Variants in MYH15 observed in about 807,000 individuals in gnomAD.
The protein encoded by MYH15 is myosin-15.
In MYH15, 227 loss-of-function variants were observed where a neutral mutation model predicts 240.5. That is an observed-to-expected ratio of 0.94 (90% CI 0.85 to 1.05). The LOEUF (loss-of-function observed/expected upper bound fraction) is 1.05. MYH15 is among the 50% of genes least tolerant of loss of function. MYH15 has a pLI of 0.00. For missense variants in MYH15, 2,217 were observed against 2,247.5 expected (o/e 0.99, Z 0.27); for synonymous variants, 785 against 796.7 (o/e 0.99, Z 0.25).
At position 108,414,399 on chromosome 3, in the gene MYH15, C is replaced by T; in HGVS notation, c.3978G>A (p.Gln1326=). The change falls in exon 30 of 41, where the codon CAG becomes CAA. Residue 1326 remains glutamine (Q), a synonymous_variant. Transcript: ENST00000693548. ...GAAGGTCACAGTCACGCTGAGCCTT[C>T]TGCAGGGCATGGGCCAGGGCACTCT... The part of the protein sequence containing the change: ...KSQSALAHAL[Q]KAQRDCDLLR... 1 of 1,614,102 alleles carries T rather than the reference C, an allele frequency of 6.2e-7. No homozygotes were observed. The highest frequency in any genetic ancestry group is 8.5e-7 in the Non-Finnish European group (1 of 1,180,012).
At chr3:108,478,246 T>C (rs545936293) in intron 11 of MYH15, among the ~76,000 whole-genome samples, 1 of 152,288 alleles carries the variant, frequency 6.6e-6, no homozygotes, top group African/African-American at 2.4e-5. Context: ...TTAAAATGTT[T>C]GAAATGTTTG....
Position 108,500,365 on chromosome 3 carries a change from A to G in MYH15, c.340-91T>C, listed in dbSNP as rs996356574. The G allele has an allele frequency of 2.2e-6, 3 of 1,358,122 alleles. No homozygotes were observed. In the African/African-American group the frequency reaches 4.4e-5, roughly 20 times the overall value. 84.1% of individuals were successfully genotyped at this position (1,358,122 alleles called of 1,614,324 possible). A position where few individuals can be genotyped will look rare whatever the true frequency, so the allele number is the denominator to read the frequency against. On this transcript the variant is annotated intron_variant, in intron 3 of 40. Transcript: ENST00000693548. The stretch of plus-strand genomic sequence containing the variant: ...CCAGTGTCAAGTAATATTTGCTCAA[A>G]TATTACTTATAAAGGAACTCAGAGG...
chr3:108,391,983 C>A lies in MYH15; in HGVS notation c.5260-53G>T, dbSNP rs1189074269. The A allele has an allele frequency of 2.5e-6, 4 of 1,576,166 alleles. No homozygotes were observed. The Admixed American group carries it at 7.1e-5, about 28-fold the overall frequency. On this transcript the variant is annotated intron_variant, in intron 36 of 40. Transcript: ENST00000693548. The stretch of plus-strand genomic sequence containing the variant: ...TAGTTCAGCAGTCAATTGATCTTAA[C>A]ATTTTTACCCATGATCTTTAGTTCC...
chr3:108,537,326 T>C, the MYH15 span, among the ~76,000 whole-genome samples: 1 of 152,154 alleles, frequency 6.6e-6, no homozygotes, highest in Non-Finnish European at 1.5e-5. Flanking sequence ...TCTATTCCTC[T>C]TTAGGCTCAA....
upstream of MYH15, among the ~76,000 whole-genome samples, chr3:108,530,151 C>T (rs936811309): frequency 6.6e-6 from 1 of 152,054 alleles, no homozygotes; most frequent in African/African-American, 2.4e-5. Flanking sequence ...GGAGATTAGC[C>T]GTAAACTAAA....
In MYH15 at chr3:108,441,323, T is replaced by A. The variant is rs1307747877; in HGVS notation, c.2656-63A>T. The A allele has an allele frequency of 1.9e-6, 3 of 1,585,050 alleles. No homozygotes were observed. In the African/African-American group the frequency reaches 4.0e-5, roughly 21 times the overall value. ...AAGTAATTTATCAGCTAGGCGAAAA[T>A]GCTGCTTAACACACAGCAAAGAGAT... On this transcript the variant is annotated intron_variant, in intron 22 of 40. Coordinates refer to ENST00000693548, the MANE Select transcript of MYH15 (RefSeq NM_014981.3).
rs2082342670 is a variant in MYH15, at chr3:108,381,425, T to A, written c.*120A>T. On this transcript the variant is annotated 3_prime_UTR_variant, in exon 41 of 41. Transcript: ENST00000693548. Reference sequence around the variant, plus strand: ...TATTTTTCTAATTGCCTTGTTTATATGGTGTGAAAAGCAATTTAAACATGT... The same window carrying A: ...TATTTTTCTAATTGCCTTGTTTATAAGGTGTGAAAAGCAATTTAAACATGT... 1 of 1,115,072 alleles carries A rather than the reference T, an allele frequency of 9.0e-7. No individual in the cohort carries two copies. Among genetic ancestry groups the A allele is most frequent in the Non-Finnish European group, 1.4e-6 (1 of 729,208 alleles). 69.1% of individuals were successfully genotyped at this position (1,115,072 alleles called of 1,614,324 possible).
chr3:108,441,179 C>G lies in MYH15; in HGVS notation c.2737G>C (p.Glu913Gln), dbSNP rs1442768045. Residue 913 changes from glutamate to glutamine, a missense_variant, in exon 23 of 41, where the codon GAG becomes CAG. Transcript: ENST00000693548. Reference sequence around the variant, plus strand: ...TCTTCCTCCACCCTCTCCGACAGCTCCTTTACTCTGGCCTCCAGCTGGATC... The same window carrying G: ...TCTTCCTCCACCCTCTCCGACAGCTGCTTTACTCTGGCCTCCAGCTGGATC... ...SKIQLEARVKELSERVEEEEE... is the reference protein window; with the variant it reads ...SKIQLEARVKQLSERVEEEEE... 6.2e-7 allele frequency: 1 copy of G among 1,614,112 alleles called. No homozygotes were observed. Among genetic ancestry groups the G allele is most frequent in the East Asian group, 2.2e-5 (1 of 44,890 alleles).
At chr3:108,422,650 C>T (rs1187569770) in intron 27 of MYH15, among the ~76,000 whole-genome samples, 1 of 152,166 alleles carries the variant, frequency 6.6e-6, no homozygotes, top group African/African-American at 2.4e-5. Flanking sequence ...TACAGCAGTC[C>T]ATGAGGCCTT....
At chr3:108,463,331 T>C in intron 15 of MYH15, 88 bp from the exon 16 acceptor site, 1 of 1,380,566 alleles carries the variant, frequency 7.2e-7, no homozygotes, top group South Asian at 1.4e-5. Context: ...CTTTTTTTTT[T>C]TGAGACAGGG....
the MYH15 span, among the ~76,000 whole-genome samples, chr3:108,541,020 CATT>C: frequency 1.3e-5 from 2 of 151,808 alleles, no homozygotes; most frequent in African/African-American, 4.8e-5. Flanking sequence ...TCAAATAAAG[CATT>C]ATTGAGGGTC....
At chr3:108,525,604 ATGCTACTG>A (rs1454173070) in intron 1 of MYH15, among the ~76,000 whole-genome samples, 2 of 152,124 alleles carry the variant, frequency 1.3e-5, no homozygotes, top group African/African-American at 4.8e-5. Context: ...AGAAGGATTA[ATGCTACTG>A]GGTGTTTTTT....
intron 34 of MYH15, 117 bp from the exon 35 acceptor site, chr3:108,398,957 G>A (rs2082483862): frequency 6.2e-6 from 9 of 1,450,726 alleles, no homozygotes; most frequent in African/African-American, 1.4e-5. Flanking sequence ...CTTCTCTCTG[G>A]AAAGATTAGA....
chr3:108,420,352 C>T (rs1030299582), intron 28 of MYH15, among the ~76,000 whole-genome samples: 2 of 152,136 alleles, frequency 1.3e-5, no homozygotes, highest in African/African-American at 4.8e-5. Context: ...TTAGTTTGAA[C>T]TTAATAAATA....
intron 21 of MYH15, among the ~76,000 whole-genome samples, chr3:108,451,667 G>C (rs1332312723): frequency 6.6e-6 from 1 of 151,982 alleles, no homozygotes; most frequent in Non-Finnish European, 1.5e-5. Flanking sequence ...TGTTTTATGA[G>C]GTTAAGATAA....
intron 40 of MYH15, among the ~76,000 whole-genome samples, chr3:108,382,416 AAGGT>A (rs1359628191): frequency 6.6e-6 from 1 of 152,072 alleles, no homozygotes; most frequent in Non-Finnish European, 1.5e-5. Flanking sequence ...GACCTCCCTT[AAGGT>A]AGTATTTATG....
At position 108,383,726 on chromosome 3, in the gene MYH15, T is replaced by G; in HGVS notation, c.5635A>C (p.Thr1879Pro). ...NYKQQVEVAE[T>P]QANQYLSKYK... ...TTGGAAAGGTATTGATTGGCTTGTG[T>G]TTCCTATAAAAATAAAAAAAAAAAA... The change falls in exon 40 of 41, where the codon ACA becomes CCA. Residue 1879 changes from threonine (T) to proline (P), a missense_variant. Physicochemically the swap from Thr to Pro is conservative, Grantham distance 38. Coordinates refer to ENST00000693548, the MANE Select transcript of MYH15 (RefSeq NM_014981.3). 6.5e-7 allele frequency: 1 copy of G among 1,530,178 alleles called. No individual in the cohort carries two copies. Among genetic ancestry groups the G allele is most frequent in the Non-Finnish European group, 8.7e-7 (1 of 1,151,976 alleles). The allele number at this position is 1,530,178 out of a possible 1,614,324, so 94.8% of individuals were successfully genotyped here.
chr3:108,527,133 T>C (rs897070674), intron 1 of MYH15, among the ~76,000 whole-genome samples: 3 of 152,152 alleles, frequency 2.0e-5, no homozygotes, highest in Admixed American at 2.0e-4. Context: ...GGATGGGGCC[T>C]GAGAAGTTGC....
chr3:108,472,618 A>G lies in MYH15; in HGVS notation c.1234-1771T>C, dbSNP rs1022104270. On this transcript the variant is annotated intron_variant, in intron 12 of 40. Coordinates refer to ENST00000693548, the MANE Select transcript of MYH15 (RefSeq NM_014981.3). Reference sequence around the variant, plus strand: ...GTCACTCTGAAACTTTAAAAAGAACATGACTAACTTGCTCACCCCCTTTTA... The same window carrying G: ...GTCACTCTGAAACTTTAAAAAGAACGTGACTAACTTGCTCACCCCCTTTTA... 7.2e-5 allele frequency among the ~76,000 whole-genome samples: 11 copies of G among 152,228 alleles called. 1 individual carries two copies. Among genetic ancestry groups the G allele is most frequent in the Admixed American group, 7.2e-4 (11 of 15,280 alleles).
Sources: allele counts gnomAD v4.1 joint callset (sites outside exome capture counted in the v4.1 genomes callset), GRCh38; gene constraint gnomAD v4.1.1; transcripts MANE v1.5; gene names NCBI Gene and HGNC (gene_info 2026-07-23, HGNC 2026-07-21).